ADAMTS17: variants seen among roughly 807,000 people sequenced by gnomAD.
The protein encoded by ADAMTS17 is ADAM metallopeptidase with thrombospondin type 1 motif 17.
A neutral mutation model predicts 141.5 loss-of-function variants in ADAMTS17; 113 were observed. The ratio of observed to expected loss-of-function variants is 0.80; its 90% CI spans 0.69 to 0.93. The LOEUF is 0.93. ADAMTS17 is among the 40% of genes least tolerant of loss of function. The pLI, the probability that ADAMTS17 is intolerant of heterozygous loss-of-function variation, is 0.00. For missense variants in ADAMTS17, 1,659 were observed against 1,517.9 expected (o/e 1.09, Z -1.54); for synonymous variants, 768 against 630.6 (o/e 1.22, Z -3.27).
intron 15 of ADAMTS17, among the ~76,000 whole-genome samples, chr15:100,085,904 A>G (rs566627291): frequency 1.5e-3 from 231 of 152,310 alleles, no homozygotes; most frequent in African/African-American, 5.3e-3. Context: ...GCCAAATTGT[A>G]AAGACCATCA....
At chr15:100,079,948 T>G (rs1329705017) in intron 15 of ADAMTS17, among the ~76,000 whole-genome samples, 1 of 152,196 alleles carries the variant, frequency 6.6e-6, no homozygotes, top group East Asian at 1.9e-4. Context: ...AATGGCCTTT[T>G]GAAGTCACAA....
intron 8 of ADAMTS17, 60 bp from the exon 9 acceptor site, chr15:100,155,380 G>A: frequency 6.3e-7 from 1 of 1,580,998 alleles, no homozygotes; most frequent in Non-Finnish European, 8.6e-7. Context: ...TCCAGTTCCT[G>A]GTGCTAGCGG....
chr15:100,082,869 C>T (rs748979997), intron 15 of ADAMTS17, among the ~76,000 whole-genome samples: 8 of 149,452 alleles, frequency 5.4e-5, no homozygotes, highest in Non-Finnish European at 1.0e-4. Flanking sequence ...CGTGGGGATG[C>T]GCAGGGTTTG....
At chr15:100,084,680 T>A in intron 15 of ADAMTS17, among the ~76,000 whole-genome samples, 1 of 152,174 alleles carries the variant, frequency 6.6e-6, no homozygotes, top group Middle Eastern at 3.2e-3. Flanking sequence ...GCATTTGCAA[T>A]TCACCAATAG....
In ADAMTS17 at chr15:100,048,990, C is replaced by T. The variant is rs1291301815; in HGVS notation, c.2458G>A (p.Glu820Lys). The change falls in exon 18 of 22, where the codon GAG becomes AAG. Residue 820 changes from glutamate to lysine, a missense_variant and splice_region_variant. Glu to Lys is a moderately conservative substitution (Grantham distance 56). Transcript: ENST00000268070. ...EGCSVQCGGG[E>K]RRTIVSCTRI... ...GTACACGAGACGATGGTTCTGCGCT[C>T]CCCTGGAAACCAAACCACAGGGAGC... is the stretch of plus-strand genomic sequence containing the variant. 6.2e-7 allele frequency: 1 copy of T among 1,614,162 alleles called. No homozygotes were observed. The highest frequency in any genetic ancestry group is 8.5e-7 in the Non-Finnish European group (1 of 1,180,026).
intron 7 of ADAMTS17, among the ~76,000 whole-genome samples, chr15:100,204,404 T>C (rs534873437): frequency 2.6e-5 from 4 of 152,332 alleles, no homozygotes; most frequent in African/African-American, 9.6e-5. Flanking sequence ...CAAGAGAGCA[T>C]GTGGCATCTG....
At chr15:100,113,535 T>C (rs1044745996) in intron 13 of ADAMTS17, among the ~76,000 whole-genome samples, 5 of 152,188 alleles carry the variant, frequency 3.3e-5, no homozygotes, top group African/African-American at 1.2e-4. Flanking sequence ...TTGAACTGTA[T>C]GTGGCCCAAA....
At chr15:100,155,392 C>CCATG in intron 8 of ADAMTS17, 72 bp from the exon 9 acceptor site, 1 of 1,567,944 alleles carries the variant, frequency 6.4e-7, no homozygotes, top group Non-Finnish European at 8.7e-7. Flanking sequence ...TGCTAGCGGA[C>CCATG]CATGCTAAGG....
intron 14 of ADAMTS17, 49 bp downstream of exon 14, chr15:100,108,940 G>C (rs1567186912): frequency 2.5e-6 from 4 of 1,611,092 alleles, no homozygotes; most frequent in Non-Finnish European, 3.4e-6. Context: ...TGGGGAGAGT[G>C]AGTCTCCTCT....
chr15:100,188,472 G>C (rs2040802919), intron 8 of ADAMTS17, among the ~76,000 whole-genome samples: 1 of 151,910 alleles, frequency 6.6e-6, no homozygotes, highest in Non-Finnish European at 1.5e-5. Context: ...TTCTTCTTCA[G>C]TGTTTCTGAC....
intron 4 of ADAMTS17, among the ~76,000 whole-genome samples, chr15:100,276,760 A>G (rs1282709682): frequency 6.6e-6 from 1 of 152,100 alleles, no homozygotes; most frequent in Non-Finnish European, 1.5e-5. Context: ...TTGTCTAATG[A>G]CAGCCCAGCC....
chr15:100,236,202 C>T (rs979493832), intron 7 of ADAMTS17, among the ~76,000 whole-genome samples: 2 of 148,354 alleles, frequency 1.3e-5, no homozygotes, highest in African/African-American at 2.5e-5. Context: ...TAAATGTCTA[C>T]GATATTTGCA....
At chr15:100,279,231 A>G (rs1023850264) in intron 4 of ADAMTS17, among the ~76,000 whole-genome samples, 1 of 151,924 alleles carries the variant, frequency 6.6e-6, no homozygotes, top group African/African-American at 2.4e-5. Context: ...CTGCTATCCT[A>G]CCCGCACTCT....
chr15:99,981,636 G>A (rs1406797188), intron 20 of ADAMTS17, among the ~76,000 whole-genome samples: 2 of 152,192 alleles, frequency 1.3e-5, no homozygotes, highest in East Asian at 3.8e-4. Flanking sequence ...GGCATGTACA[G>A]AAACCACCCC....
intron 18 of ADAMTS17, among the ~76,000 whole-genome samples, chr15:100,011,723 T>C (rs555742153): frequency 1.3e-5 from 2 of 152,190 alleles, no homozygotes; most frequent in Non-Finnish European, 2.9e-5. Flanking sequence ...GCAAATGCCA[T>C]TAATTCGTTC....
Position 99,971,486 on chromosome 15 carries a change from ATGAT to A in ADAMTS17, c.*2912_*2915del, listed in dbSNP as rs946724687. On this transcript the variant is annotated 3_prime_UTR_variant, in exon 22 of 22. Coordinates refer to ENST00000268070, the MANE Select transcript of ADAMTS17 (RefSeq NM_139057.4). ...ACATATTCAACTTGCTTCCAATGAA[ATGAT>A]TAATTTTTCTATATAATTTTCATGT... 2 of 152,238 alleles carry A rather than the reference ATGAT, an allele frequency of 1.3e-5. No homozygotes were observed. Among genetic ancestry groups the A allele is most frequent in the Non-Finnish European group, 1.5e-5 (1 of 68,044 alleles). 9.4% of individuals were successfully genotyped at this position (152,238 alleles called of 1,614,324 possible). A position where few individuals can be genotyped will look rare whatever the true frequency, so the allele number is the denominator to read the frequency against.
intron 15 of ADAMTS17, among the ~76,000 whole-genome samples, chr15:100,068,502 C>G (rs1249523633): frequency 1.3e-5 from 2 of 152,250 alleles, no homozygotes; most frequent in Non-Finnish European, 2.9e-5. Flanking sequence ...AGGCACCCCC[C>G]AGTAGGGGCA....
chr15:100,335,041 T>C (rs2046167435), intron 2 of ADAMTS17, among the ~76,000 whole-genome samples: 1 of 152,046 alleles, frequency 6.6e-6, no homozygotes, highest in African/African-American at 2.4e-5. Flanking sequence ...TCTCAGCCAG[T>C]GACCCTCAGA....
intron 8 of ADAMTS17, among the ~76,000 whole-genome samples, chr15:100,195,076 C>A (rs188020047): frequency 1.3e-3 from 203 of 152,370 alleles, no homozygotes; most frequent in Non-Finnish European, 2.1e-3. Flanking sequence ...CCAAAGGTAG[C>A]ACATGGCTGC....
Sources: allele counts gnomAD v4.1 joint callset (sites outside exome capture counted in the v4.1 genomes callset), GRCh38; gene constraint gnomAD v4.1.1; transcripts MANE v1.5; gene names NCBI Gene and HGNC (gene_info 2026-07-23, HGNC 2026-07-21).